The following GRM5 variants were observed in gnomAD, a reference collection of about 807,000 sequenced individuals.
GRM5 encodes metabotropic glutamate receptor 5.
A neutral mutation model predicts 83.1 loss-of-function variants in GRM5; 19 were observed. The observed-to-expected ratio is 0.23, with a 90% CI of 0.16 to 0.34. GRM5 has a LOEUF of 0.34. Ranked by LOEUF, GRM5 falls within the 10% of genes least tolerant of loss-of-function variation. GRM5 has a pLI of 1.00. For missense variants in GRM5, 1,160 were observed against 1,588.3 expected (o/e 0.73, Z 4.58); for synonymous variants, 675 against 633.6 (o/e 1.07, Z -0.98).
intron 8 of GRM5, among the ~76,000 whole-genome samples, chr11:88,535,400 A>T (rs1942111058): frequency 2.0e-5 from 3 of 152,194 alleles, no homozygotes; most frequent in South Asian, 4.1e-4. Flanking sequence ...TCTGGATGTG[A>T]TACCTGACAA....
chr11:88,900,702 G>A (rs1412743453), intron 2 of GRM5, among the ~76,000 whole-genome samples: 1 of 152,090 alleles, frequency 6.6e-6, no homozygotes, highest in African/African-American at 2.4e-5. Context: ...ATGAACAGGA[G>A]TTACACAGAT....
intron 3 of GRM5, among the ~76,000 whole-genome samples, chr11:88,705,836 C>A (rs4457746): frequency 0.18 from 28,055 of 151,870 alleles, 5,041 homozygotes; most frequent in African/African-American, 0.46. Context: ...ACCCAAGAAT[C>A]TGTCTCCATC....
intron 3 of GRM5, among the ~76,000 whole-genome samples, chr11:88,668,297 GCACACACACACACACACACACA>G (rs72052705): frequency 1.5e-5 from 2 of 130,118 alleles, no homozygotes; most frequent in South Asian, 2.6e-4. Flanking sequence ...CCAGAAACTC[GCACACACACACACACACACACA>G]CACACACACA....
rs542158296 is a variant in GRM5 at position 88,974,185 on chromosome 11, ATG to A, written c.661+73025_661+73026del. On this transcript the variant is annotated intron_variant, in intron 2 of 9. Coordinates refer to ENST00000305447, the MANE Select transcript of GRM5 (RefSeq NM_001143831.3). ...TGTGTCTTTTTTATCAAGAAAGCAG[ATG>A]TTGTTTTAGGTATCTCCAGAAAATA... 1.2e-4 allele frequency among the ~76,000 whole-genome samples: 18 copies of A among 152,162 alleles called. 1 individual carries two copies. Among genetic ancestry groups the A allele is most frequent in the Non-Finnish European group, 2.2e-4 (15 of 68,022 alleles).
chr11:88,554,286 C>T (rs12288233), intron 8 of GRM5, among the ~76,000 whole-genome samples: 6,972 of 152,090 alleles, frequency 0.046, 509 homozygotes, highest in African/African-American at 0.15. Flanking sequence ...TCTGGCACCC[C>T]GCTTCCCTCT....
intron 2 of GRM5, among the ~76,000 whole-genome samples, chr11:89,046,566 T>C (rs1029911064): frequency 6.6e-5 from 10 of 152,214 alleles, no homozygotes; most frequent in African/African-American, 9.6e-5. Context: ...CTTTCCTCAC[T>C]ATTCTTGGAG....
intron 8 of GRM5, among the ~76,000 whole-genome samples, chr11:88,565,084 C>A (rs1468921842): frequency 6.6e-6 from 1 of 151,046 alleles, no homozygotes; most frequent in Non-Finnish European, 1.5e-5. Context: ...ATTCAGTCAT[C>A]ACAACCAGTC....
chr11:88,794,908 G>C (rs571775630), intron 3 of GRM5, among the ~76,000 whole-genome samples: 1 of 152,200 alleles, frequency 6.6e-6, no homozygotes, highest in Non-Finnish European at 1.5e-5. Context: ...AGCTAAGATA[G>C]CTATGGCTGT....
intron 3 of GRM5, among the ~76,000 whole-genome samples, chr11:88,831,421 C>A (rs887769604): frequency 6.6e-6 from 1 of 152,234 alleles, no homozygotes; most frequent in African/African-American, 2.4e-5. Flanking sequence ...CTCCACCATT[C>A]CCAGAAGCAG....
chr11:88,540,074 T>C (rs1470099318), intron 8 of GRM5, among the ~76,000 whole-genome samples: 1 of 152,214 alleles, frequency 6.6e-6, no homozygotes, highest in Non-Finnish European at 1.5e-5. Context: ...CAGGGACATT[T>C]ATGAAATGCA....
intron 1 of GRM5, among the ~76,000 whole-genome samples, chr11:89,062,691 C>T (rs1009956875): frequency 6.6e-6 from 1 of 152,240 alleles, no homozygotes; most frequent in Non-Finnish European, 1.5e-5. Flanking sequence ...ACAGCAACTC[C>T]TCTGAAAGGA....
intron 3 of GRM5, among the ~76,000 whole-genome samples, chr11:88,819,501 C>G (rs1002578031): frequency 1.3e-5 from 2 of 152,104 alleles, no homozygotes; most frequent in African/African-American, 4.8e-5. Context: ...TCCCAGATAT[C>G]TTGCTAAGTT....
At chr11:88,963,880 T>C (rs544044949) in intron 2 of GRM5, among the ~76,000 whole-genome samples, 9 of 152,270 alleles carry the variant, frequency 5.9e-5, no homozygotes, top group African/African-American at 2.2e-4. Flanking sequence ...GTCCTAATAC[T>C]TGGAAAGAAA....
rs1282033598 is a variant in GRM5, at chr11:88,850,001, C to G, written c.816G>C (p.Arg272=). Residue 272 remains arginine (R), a synonymous_variant, in exon 3 of 10, where the codon CGG becomes CGC. Transcript: ENST00000305447. ...KKLTSHLPKA[R]VVACFCEGMT... ...TGCCCTCACAGAAGCAGGCCACCAC[C>G]CGGGCCTTGGGCAAGTGACTTGTGA... 6.2e-7 allele frequency: 1 copy of G among 1,613,774 alleles called. No individual in the cohort carries two copies.
intron 4 of GRM5, among the ~76,000 whole-genome samples, chr11:88,606,414 C>G (rs189011888): frequency 8.1e-4 from 123 of 152,282 alleles, no homozygotes; most frequent in Non-Finnish European, 1.6e-4. Flanking sequence ...CCCAGCTACT[C>G]AGGAGGCTGA....
chr11:88,646,385 G>C (rs938017815), intron 4 of GRM5, among the ~76,000 whole-genome samples: 10 of 151,814 alleles, frequency 6.6e-5, no homozygotes, highest in Middle Eastern at 6.9e-3. Context: ...ACATACTGAA[G>C]TCAGGCTCAC....
At chr11:88,921,061 C>T (rs1481052989) in intron 2 of GRM5, among the ~76,000 whole-genome samples, 2 of 120,818 alleles carry the variant, frequency 1.7e-5, no homozygotes, top group East Asian at 2.4e-4. Context: ...ATATTCCACA[C>T]TTAAAAGACC....
chr11:88,665,842 G>A (rs1174037956), intron 3 of GRM5, among the ~76,000 whole-genome samples: 3 of 94,238 alleles, frequency 3.2e-5, no homozygotes, highest in African/African-American at 1.2e-4. Flanking sequence ...TACTGAGGGG[G>A]CCATGATCCA....
At chr11:88,899,407 G>GA (rs5793355) in intron 2 of GRM5, among the ~76,000 whole-genome samples, 48,816 of 151,298 alleles carry the variant, frequency 0.32, 8,078 homozygotes, top group Non-Finnish European at 0.36. Context: ...GTATTTGGAA[G>GA]AAAAAAATAG....
Sources: allele counts gnomAD v4.1 joint callset (sites outside exome capture counted in the v4.1 genomes callset), GRCh38; gene constraint gnomAD v4.1.1; transcripts MANE v1.5; gene names NCBI Gene and HGNC (gene_info 2026-07-23, HGNC 2026-07-21).